The following JAK1 variants were observed in gnomAD, a reference collection of about 807,000 sequenced individuals.
JAK1 encodes Janus kinase 1.
In JAK1, 16 loss-of-function variants were observed where a neutral mutation model predicts 136.6. That is an observed-to-expected ratio of 0.12 (90% confidence interval 0.08 to 0.18). The LOEUF (loss-of-function observed/expected upper bound fraction) is 0.18, where lower values mean the gene tolerates loss of function less well. JAK1 is among the 10% of genes least tolerant of loss of function. The pLI is 1.00. For missense variants in JAK1, 859 were observed against 1,450.1 expected (o/e 0.59, Z 6.62); for synonymous variants, 492 against 519.5 (o/e 0.95, Z 0.72).
intron 2 of JAK1, among the ~76,000 whole-genome samples, chr1:65,006,440 C>T (rs945506499): frequency 9.2e-5 from 14 of 152,160 alleles, no homozygotes; most frequent in Non-Finnish European, 1.9e-4. Flanking sequence ...TTACTGTAAC[C>T]TTGAGCTCCT....
intron 13 of JAK1, 98 bp from the exon 14 acceptor site, chr1:64,846,834 C>T: frequency 1.1e-6 from 1 of 885,108 alleles, no homozygotes; most frequent in South Asian, 1.4e-5. Context: ...CCCAGGAAAG[C>T]TCACCACTGT....
In JAK1 at chr1:65,001,488, C is replaced by T. The variant is rs983751122; in HGVS notation, c.-78+42992G>A. 9.2e-5 allele frequency among the ~76,000 whole-genome samples: 14 copies of T among 152,272 alleles called. No homozygotes were observed. The East Asian group carries it at 2.7e-3, about 29-fold the overall frequency. On this transcript the variant is annotated intron_variant, in intron 2 of 25. Coordinates refer to the JAK1 transcript ENST00000671954. ...CACTGCCAACGCTCGGAGGAAGTCACGTTCAGGCCCCAGAGCTGGTCTGAA... is the reference window on the plus strand; with the variant it reads ...CACTGCCAACGCTCGGAGGAAGTCATGTTCAGGCCCCAGAGCTGGTCTGAA...
intron 2 of JAK1, among the ~76,000 whole-genome samples, chr1:65,043,923 T>C (rs1647159942): frequency 6.6e-6 from 1 of 152,090 alleles, no homozygotes; most frequent in South Asian, 2.1e-4. Flanking sequence ...GGTTTCACCA[T>C]GTTGGCCAGG....
chr1:65,042,157 A>G (rs546225941), intron 2 of JAK1, among the ~76,000 whole-genome samples: 6 of 152,202 alleles, frequency 3.9e-5, no homozygotes, highest in Non-Finnish European at 7.3e-5. Context: ...GCAGTACAGT[A>G]TAACAACTAT....
At chr1:64,875,330 G>A (rs1027637005) in intron 4 of JAK1, among the ~76,000 whole-genome samples, 2 of 152,210 alleles carry the variant, frequency 1.3e-5, no homozygotes, top group African/African-American at 4.8e-5. Context: ...GCACATATGA[G>A]GCACGCTCTC....
At chr1:64,909,293 G>A (rs1015942116) in intron 1 of JAK1, among the ~76,000 whole-genome samples, 12 of 152,166 alleles carry the variant, frequency 7.9e-5, no homozygotes, top group African/African-American at 2.7e-4. Flanking sequence ...CATCTGGGCC[G>A]TGGTGAAAGA....
intron 11 of JAK1, among the ~76,000 whole-genome samples, chr1:64,852,142 C>T (rs181781562): frequency 1.8e-3 from 273 of 152,362 alleles, no homozygotes; most frequent in Non-Finnish European, 2.6e-3. Flanking sequence ...TTCTCCATGC[C>T]AGCCGGTGTT....
At position 64,853,112 on chromosome 1, in the gene JAK1, G is replaced by A. The variant is rs535671240; in HGVS notation, c.1649-2202C>T. ...ATCAGGGTCTGGCTATCAAAACCCC[G>A]TGGTTAGGAGAGCAGAGGAGCTGAA... On this transcript the variant is annotated intron_variant, in intron 11 of 24. Transcript: ENST00000342505. Among the ~76,000 whole-genome samples the A allele has an allele frequency of 2.0e-4, 31 of 152,296 alleles. 1 individual carries two copies. In the South Asian group the frequency reaches 3.3e-3, roughly 16 times the overall value.
chr1:64,834,235 C>G lies in JAK1; in HGVS notation c.*327G>C, dbSNP rs1336894745. ...TCAACTCCTCGTTTTCAAAAATCCC[C>G]TTTTGGTAATGCAGTTGTGATGGTG... On this transcript the variant is annotated 3_prime_UTR_variant, in exon 25 of 25. Transcript: ENST00000342505. 2 of 242,584 alleles carry G rather than the reference C, an allele frequency of 8.2e-6. No individual in the cohort carries two copies. The highest frequency in any genetic ancestry group is 4.4e-5 in the African/African-American group (2 of 45,652). The allele number at this position is 242,584 out of a possible 1,614,324, so 15.0% of individuals were successfully genotyped here. A position where few individuals can be genotyped will look rare whatever the true frequency, so the allele number is the denominator to read the frequency against.
chr1:65,041,882 T>TA (rs1647137296), intron 2 of JAK1, among the ~76,000 whole-genome samples: 1 of 151,880 alleles, frequency 6.6e-6, no homozygotes, highest in Non-Finnish European at 1.5e-5. Context: ...CTAGCAAAAA[T>TA]ACAAAAAATT....
chr1:64,996,308 T>G (rs1646703446), intron 2 of JAK1, among the ~76,000 whole-genome samples: 1 of 152,210 alleles, frequency 6.6e-6, no homozygotes, highest in South Asian at 2.1e-4. Context: ...CCAATGACTT[T>G]CTAGTTGCTC....
At chr1:64,861,878 G>A (rs1190386412) in intron 8 of JAK1, among the ~76,000 whole-genome samples, 2 of 152,130 alleles carry the variant, frequency 1.3e-5, no homozygotes, top group South Asian at 4.1e-4. Context: ...TATCCCTGAA[G>A]AGCAAATTCA....
chr1:64,886,426 C>G, intron 1 of JAK1, 85 bp from the exon 2 acceptor site: 1 of 695,854 alleles, frequency 1.4e-6, no homozygotes, highest in Non-Finnish European at 2.2e-6. Context: ...GGAAGCAGCC[C>G]AAACCATAAG....
chr1:64,972,048 G>A (rs1218904342), intron 2 of JAK1, among the ~76,000 whole-genome samples: 1 of 152,118 alleles, frequency 6.6e-6, no homozygotes, highest in African/African-American at 2.4e-5. Flanking sequence ...AAAAAAGTGT[G>A]ACAGATACAA....
chr1:64,921,160 T>C (rs1359194586), intron 1 of JAK1, among the ~76,000 whole-genome samples: 2 of 152,172 alleles, frequency 1.3e-5, no homozygotes, highest in African/African-American at 4.8e-5. Flanking sequence ...TGTTCCTTTA[T>C]CATTTCATCT....
rs1375253413 is a variant in JAK1 at position 64,997,215 on chromosome 1, G to C, written c.-78+47265C>G. On this transcript the variant is annotated intron_variant, in intron 2 of 25. Coordinates refer to the JAK1 transcript ENST00000671954. Reference sequence around the variant, plus strand: ...ATAAAATCCAAGGAATATAAACCCAGAGTCAAAATCCACAAAACATAAAAG... The same window carrying C: ...ATAAAATCCAAGGAATATAAACCCACAGTCAAAATCCACAAAACATAAAAG... 3.9e-5 allele frequency among the ~76,000 whole-genome samples: 6 copies of C among 152,126 alleles called. No homozygotes were observed. The East Asian group carries it at 1.2e-3, about 29-fold the overall frequency.
At chr1:64,891,856 A>G (rs1371628904) in intron 1 of JAK1, among the ~76,000 whole-genome samples, 9 of 152,248 alleles carry the variant, frequency 5.9e-5, no homozygotes, top group Non-Finnish European at 2.9e-5. Flanking sequence ...ACTTCTAACT[A>G]TAGCAGCAAT....
At chr1:65,057,492 G>C (rs1212395750) in intron 1 of JAK1, among the ~76,000 whole-genome samples, 1 of 152,130 alleles carries the variant, frequency 6.6e-6, no homozygotes, top group African/African-American at 2.4e-5. Flanking sequence ...ATTAAGCTCA[G>C]GAGGTCAAGA....
At chr1:65,020,120 G>A (rs747306449) in intron 2 of JAK1, among the ~76,000 whole-genome samples, 9 of 150,638 alleles carry the variant, frequency 6.0e-5, no homozygotes, top group Non-Finnish European at 7.4e-5. Flanking sequence ...AGCTACATGG[G>A]AGGCTGAAGC....
Sources: allele counts gnomAD v4.1 joint callset (sites outside exome capture counted in the v4.1 genomes callset), GRCh38; gene constraint gnomAD v4.1.1; transcripts MANE v1.5; gene names NCBI Gene and HGNC (gene_info 2026-07-23, HGNC 2026-07-21).